Variants in RICTOR observed in about 807,000 individuals in gnomAD.
RICTOR encodes the protein RPTOR independent companion of MTOR complex 2.
Under a neutral mutation model 214.9 loss-of-function variants are expected in RICTOR, and 49 were observed. The ratio of observed to expected loss-of-function variants is 0.23; its 90% CI spans 0.18 to 0.29. The LOEUF is 0.29. Among genes scored for constraint, RICTOR ranks in the 10% least tolerant of loss-of-function variants. The pLI is 1.00. For synonymous variants in RICTOR, 717 were observed against 711.3 expected, an observed-to-expected ratio of 1.01 and a Z score of -0.13; for missense variants, 1,625 against 2,047.0, an observed-to-expected ratio of 0.79 and a Z score of 3.98.
In RICTOR at chr5:38,990,584, A is replaced by AT. The variant is rs1491542694; in HGVS notation, c.583+364_583+365insA. Among the ~76,000 whole-genome samples, 15 of 145,308 alleles carry AT rather than the reference A, an allele frequency of 1.0e-4. 2 individuals carry two copies. The highest frequency in any genetic ancestry group is 3.8e-4 in the African/African-American group (15 of 39,114). On this transcript the variant is annotated intron_variant, in intron 7 of 37. Coordinates refer to ENST00000357387, the MANE Select transcript of RICTOR (RefSeq NM_152756.5). ...TATATACACGATATATATGATATAT[A>AT]CATGATATATACGATATATATGATA...
chr5:38,984,144 T>C (rs1027639235), intron 7 of RICTOR, among the ~76,000 whole-genome samples: 105 of 152,318 alleles, frequency 6.9e-4, no homozygotes, highest in African/African-American at 2.4e-3. Context: ...TTGAACTATT[T>C]GTATTTTACA....
chr5:39,062,417 C>CT (rs202084185), intron 2 of RICTOR, among the ~76,000 whole-genome samples: 25 of 151,092 alleles, frequency 1.7e-4, no homozygotes, highest in Admixed American at 6.0e-4. Flanking sequence ...TTCATTTTTC[C>CT]TTTTTTTTTC....
chr5:38,978,695 G>C (rs1426639639), intron 8 of RICTOR, 45 bp from the exon 9 acceptor site: 2 of 921,754 alleles, frequency 2.2e-6, no homozygotes, highest in Non-Finnish European at 3.4e-6. Context: ...ATTTTAAAAT[G>C]CATCCTTCCT....
At chr5:39,003,665 T>C (rs2150107754) in intron 3 of RICTOR, 43 bp from the exon 4 acceptor site, 1 of 1,191,540 alleles carries the variant, frequency 8.4e-7, no homozygotes, top group East Asian at 2.3e-5. Flanking sequence ...GTGTTGTATA[T>C]TTTCACATAT....
At chr5:39,057,473 C>T (rs1022792208) in intron 2 of RICTOR, among the ~76,000 whole-genome samples, 3 of 151,978 alleles carry the variant, frequency 2.0e-5, no homozygotes, top group Non-Finnish European at 2.9e-5. Context: ...TCATGTGGAA[C>T]GGTCACTGGT....
chr5:38,990,808 G>GAGATATATGAGAT (rs1752699156), intron 7 of RICTOR, 141 bp downstream of exon 7: 1 of 101,356 alleles, frequency 9.9e-6, no homozygotes, highest in African/African-American at 8.7e-5. Flanking sequence ...TGATATATAT[G>GAGATATATGAGAT]AGATATATGA....
intron 4 of RICTOR, 70 bp from the exon 5 acceptor site, chr5:39,002,736 A>C: frequency 6.8e-7 from 1 of 1,469,640 alleles, no homozygotes; most frequent in Non-Finnish European, 9.2e-7. Flanking sequence ...TATATTACCA[A>C]ATTATTCCTC....
At chr5:39,024,753 A>G (rs1755683695) in intron 2 of RICTOR, among the ~76,000 whole-genome samples, 1 of 152,264 alleles carries the variant, frequency 6.6e-6, no homozygotes, top group Non-Finnish European at 1.5e-5. Flanking sequence ...GATTAGTCTG[A>G]AAAGATAGAT....
In RICTOR at chr5:38,963,004, G is replaced by A. The variant is rs2150024441; in HGVS notation, c.1438C>T (p.His480Tyr). The change falls in exon 17 of 38, where the codon CAT becomes TAT. Residue 480 changes from histidine to tyrosine, a missense_variant. Physicochemically the swap from His to Tyr is moderately conservative, Grantham distance 83. This residue lies in a region of RICTOR where 1,214 missense variants were observed against 1,470.5 expected (regional missense o/e 0.83). Coordinates refer to ENST00000357387, the MANE Select transcript of RICTOR (RefSeq NM_152756.5). ...SAALNCLKRF[H>Y]EMKKRGPKPY... is the part of the protein sequence containing the mutation. ...TTAGGTCCTCGTTTCTTCATTTCATGGAAGCGTTTTAAACAGTTCAAGGCT... is the reference window on the plus strand; with the variant it reads ...TTAGGTCCTCGTTTCTTCATTTCATAGAAGCGTTTTAAACAGTTCAAGGCT... 1 of 1,612,888 alleles carries A rather than the reference G, an allele frequency of 6.2e-7. No homozygotes were observed. The highest frequency in any genetic ancestry group is 8.5e-7 in the Non-Finnish European group (1 of 1,179,172).
At chr5:39,053,835 G>A (rs909873381) in intron 2 of RICTOR, among the ~76,000 whole-genome samples, 2 of 145,276 alleles carry the variant, frequency 1.4e-5, no homozygotes, top group Non-Finnish European at 3.0e-5. Context: ...GGAGCCTGCA[G>A]TGAGCCGAGA....
chr5:39,035,834 G>A (rs549008792), intron 2 of RICTOR, among the ~76,000 whole-genome samples: 2 of 152,296 alleles, frequency 1.3e-5, no homozygotes, highest in East Asian at 1.9e-4. Context: ...CCAAATCTAC[G>A]TCTGATTGTT....
intron 2 of RICTOR, among the ~76,000 whole-genome samples, chr5:39,071,288 G>A (rs1312588440): frequency 6.6e-6 from 1 of 151,954 alleles, no homozygotes; most frequent in African/African-American, 2.4e-5. Context: ...CTTTACAATT[G>A]TTATATTCAA....
chr5:38,987,822 C>T (rs1390481051), intron 7 of RICTOR, among the ~76,000 whole-genome samples: 4 of 152,002 alleles, frequency 2.6e-5, no homozygotes, highest in East Asian at 1.9e-4. Context: ...AGATCTTTCC[C>T]GCTTTCTCCT....
At chr5:38,957,150 C>A (rs1454565803) in intron 25 of RICTOR, among the ~76,000 whole-genome samples, 1 of 152,144 alleles carries the variant, frequency 6.6e-6, no homozygotes, top group Non-Finnish European at 1.5e-5. Flanking sequence ...TATCTTCAAA[C>A]TACTCCCTTC....
intron 2 of RICTOR, among the ~76,000 whole-genome samples, chr5:39,039,122 A>G (rs1251136283): frequency 6.6e-6 from 1 of 152,220 alleles, no homozygotes; most frequent in African/African-American, 2.4e-5. Context: ...ACAGAGATAT[A>G]GACCAATGGA....
chr5:38,963,033 C>A lies in RICTOR; in HGVS notation c.1409G>T (p.Ser470Ile), dbSNP rs1383331108. ...DIPKEKRLRA[S>I]AALNCLKRFH... ...GCGTTTTAAACAGTTCAAGGCTGCACTGGCTCGCCTAATGAGAAAAACAAT... is the reference window on the plus strand; with the variant it reads ...GCGTTTTAAACAGTTCAAGGCTGCAATGGCTCGCCTAATGAGAAAAACAAT... The change falls in exon 17 of 38, where the codon AGT becomes ATT. Residue 470 changes from serine to isoleucine, a missense_variant. Coordinates refer to ENST00000357387, the MANE Select transcript of RICTOR (RefSeq NM_152756.5). 1.2e-6 allele frequency: 2 copies of A among 1,607,498 alleles called. No individual in the cohort carries two copies. Among genetic ancestry groups the A allele is most frequent in the Non-Finnish European group, 1.7e-6 (2 of 1,176,400 alleles).
intron 2 of RICTOR, among the ~76,000 whole-genome samples, chr5:39,025,057 A>G (rs1166475430): frequency 2.0e-5 from 3 of 152,124 alleles, no homozygotes; most frequent in Admixed American, 2.0e-4. Flanking sequence ...ACAGGTGATG[A>G]TAACTCAACA....
intron 4 of RICTOR, 35 bp from the exon 5 acceptor site, chr5:39,002,701 C>A: frequency 6.4e-7 from 1 of 1,571,902 alleles, no homozygotes; most frequent in South Asian, 1.2e-5. Context: ...AGTTTTGCTG[C>A]ACAGGTTTCA....
At chr5:39,009,695 C>T (rs1754348251) in intron 3 of RICTOR, among the ~76,000 whole-genome samples, 1 of 151,602 alleles carries the variant, frequency 6.6e-6, no homozygotes, top group African/African-American at 2.4e-5. Flanking sequence ...AAATGAAAAA[C>T]CTTTTGAATT....
Sources: allele counts gnomAD v4.1 joint callset (sites outside exome capture counted in the v4.1 genomes callset), GRCh38; gene constraint gnomAD v4.1.1; regional missense constraint gnomAD v4.1.1; transcripts MANE v1.5; gene names NCBI Gene and HGNC (gene_info 2026-07-23, HGNC 2026-07-21).